The following UBE2J1 variants were observed in gnomAD, a reference collection of about 807,000 sequenced individuals.
The protein encoded by UBE2J1 is ubiquitin conjugating enzyme E2 J1.
In UBE2J1, 17 loss-of-function variants were observed where a neutral mutation model predicts 42.1. That is an observed-to-expected ratio of 0.40 (90% CI 0.28 to 0.61). UBE2J1 has a LOEUF of 0.61. Among genes scored for constraint, UBE2J1 ranks in the 20% least tolerant of loss-of-function variants. The pLI, the probability that UBE2J1 is intolerant of heterozygous loss-of-function variation, is 0.38. For synonymous variants in UBE2J1, 127 were observed against 137.2 expected, an observed-to-expected ratio of 0.93 and a Z score of 0.52; for missense variants, 291 against 389.4, an observed-to-expected ratio of 0.75 and a Z score of 2.13.
At chr6:89,336,166 T>C (rs1562414337) in intron 5 of UBE2J1, among the ~76,000 whole-genome samples, 1 of 152,238 alleles carries the variant, frequency 6.6e-6, no homozygotes, top group African/African-American at 2.4e-5. Context: ...TAAAAAATTG[T>C]TTTTCATAGT....
At chr6:89,334,295 G>C (rs10944444) in intron 6 of UBE2J1, among the ~76,000 whole-genome samples, 1 of 151,700 alleles carries the variant, frequency 6.6e-6, no homozygotes, top group Non-Finnish European at 1.5e-5. Flanking sequence ...GAGCCACTGC[G>C]CCCAGCTAAT....
intron 5 of UBE2J1, among the ~76,000 whole-genome samples, chr6:89,337,191 ACAGT>A (rs1768123900): frequency 2.0e-5 from 3 of 151,628 alleles, no homozygotes; most frequent in African/African-American, 7.3e-5. Context: ...TCTAGAATAT[ACAGT>A]GAGAAGCCTA....
At position 89,329,512 on chromosome 6, in the gene UBE2J1, GAC is replaced by G; in HGVS notation, c.*165_*166del. The G allele has an allele frequency of 1.4e-6, 1 of 720,350 alleles. No homozygotes were observed. Among genetic ancestry groups the G allele is most frequent in the Non-Finnish European group, 2.2e-6 (1 of 445,190 alleles). The allele number at this position is 720,350 out of a possible 1,614,324, so 44.6% of individuals were successfully genotyped here. ...CCCTTTAAGCAGGACGTAACTGCTA[GAC>G]ACAGTCTGAATGTCTAGATATATTT... On this transcript the variant is annotated 3_prime_UTR_variant, in exon 8 of 8. Coordinates refer to ENST00000435041, the MANE Select transcript of UBE2J1 (RefSeq NM_016021.3).
intron 1 of UBE2J1, among the ~76,000 whole-genome samples, chr6:89,347,423 G>A (rs567489076): frequency 2.6e-5 from 4 of 152,188 alleles, no homozygotes; most frequent in South Asian, 2.1e-4. Context: ...TACCCTTATC[G>A]CATTTTCTCT....
intron 3 of UBE2J1, among the ~76,000 whole-genome samples, chr6:89,340,046 G>A (rs1768214087): frequency 6.6e-6 from 1 of 151,280 alleles, no homozygotes; most frequent in South Asian, 2.1e-4. Flanking sequence ...ATCTAAAAGA[G>A]AAGACATTCA....
In UBE2J1 at chr6:89,335,329, T is replaced by C. The variant is rs759860508; in HGVS notation, c.531A>G (p.Lys177=). ...TAAAGCTTATTTGCCTAGCCAGTTC[T>C]TTGGCTTCTTGGTCAGCTTGGCTTG... ...SDSSQADQEA[K]ELARQISFKA... Residue 177 remains lysine (K), a synonymous_variant, in exon 6 of 8, where the codon AAA becomes AAG. Coordinates refer to ENST00000435041, the MANE Select transcript of UBE2J1 (RefSeq NM_016021.3). 41 of 1,606,434 alleles carry C rather than the reference T, an allele frequency of 2.6e-5. No individual in the cohort carries two copies. In the Admixed American group the frequency reaches 3.2e-4, roughly 13 times the overall value.
At chr6:89,331,560 G>C (rs1024595668) in intron 7 of UBE2J1, among the ~76,000 whole-genome samples, 2 of 152,102 alleles carry the variant, frequency 1.3e-5, no homozygotes, top group African/African-American at 4.8e-5. Context: ...CTATATAGAA[G>C]GCACTAAGCC....
intron 1 of UBE2J1, among the ~76,000 whole-genome samples, chr6:89,347,371 C>T (rs2127873143): frequency 6.6e-6 from 1 of 152,358 alleles, no homozygotes; most frequent in Admixed American, 6.5e-5. Flanking sequence ...ACTGGCTGAA[C>T]TCAATAATGA....
chr6:89,344,647 A>G (rs1427714198), intron 1 of UBE2J1, among the ~76,000 whole-genome samples: 1 of 152,226 alleles, frequency 6.6e-6, no homozygotes, highest in African/African-American at 2.4e-5. Flanking sequence ...ACAAGTCATT[A>G]CCAACAACCT....
intron 1 of UBE2J1, among the ~76,000 whole-genome samples, chr6:89,351,811 C>A (rs1419701890): frequency 6.6e-6 from 1 of 152,156 alleles, no homozygotes; most frequent in Non-Finnish European, 1.5e-5. Context: ...AGTTGCTTAT[C>A]TTTATAATGC....
intron 1 of UBE2J1, among the ~76,000 whole-genome samples, chr6:89,344,608 G>A (rs1179797183): frequency 2.6e-5 from 4 of 152,190 alleles, no homozygotes; most frequent in Non-Finnish European, 2.9e-5. Context: ...AGGAAAAAAA[G>A]TCAGAGAGGA....
Position 89,352,199 on chromosome 6 carries a change from A to G in UBE2J1, c.31+340T>C, listed in dbSNP as rs59817524. Among the ~76,000 whole-genome samples, 279 of 152,354 alleles carry G rather than the reference A, an allele frequency of 1.8e-3. 1 individual carries two copies. Among genetic ancestry groups the G allele is most frequent in the African/African-American group, 6.5e-3 (272 of 41,590 alleles). On this transcript the variant is annotated intron_variant, in intron 1 of 7. Transcript: ENST00000435041. The stretch of plus-strand genomic sequence containing the variant: ...GACAGGGAGGGAATAGCGACCAGGT[A>G]CAGCGAGGGGGTTGATGACTATCGC...
Position 89,329,304 on chromosome 6 carries a change from T to C in UBE2J1, c.*375A>G, listed in dbSNP as rs577274019. 10 of 248,998 alleles carry C rather than the reference T, an allele frequency of 4.0e-5. No individual in the cohort carries two copies. The East Asian group carries it at 1.1e-3, about 27-fold the overall frequency. 15.4% of individuals were successfully genotyped at this position (248,998 alleles called of 1,614,324 possible). ...ACGTAGAAACAGAGTACTCAATAAG[T>C]GGTATTGAGTAACTAGTAATACTCA... On this transcript the variant is annotated 3_prime_UTR_variant, in exon 8 of 8. Transcript: ENST00000435041.
At chr6:89,345,546 GA>G (rs1768347083) in intron 1 of UBE2J1, among the ~76,000 whole-genome samples, 1 of 152,048 alleles carries the variant, frequency 6.6e-6, no homozygotes, top group Non-Finnish European at 1.5e-5. Flanking sequence ...AGGTTGCAGT[GA>G]GCTGAGGTCG....
chr6:89,332,522 C>T lies in UBE2J1; in HGVS notation c.678+564G>A, dbSNP rs151277649. ...TTTGTGATGATAGTAATGTTTATGT[C>T]TACACTGTCCAATATGGTACCCATT... On this transcript the variant is annotated intron_variant, in intron 7 of 7. Transcript: ENST00000435041. Among the ~76,000 whole-genome samples, 208 of 152,302 alleles carry T rather than the reference C, an allele frequency of 1.4e-3. 7 individuals carry two copies. The East Asian group carries it at 0.032, about 23-fold the overall frequency.
intron 5 of UBE2J1, 43 bp from the exon 6 acceptor site, chr6:89,335,474 G>A (rs781734560): frequency 2.1e-6 from 3 of 1,452,594 alleles, no homozygotes; most frequent in Non-Finnish European, 2.8e-6. Flanking sequence ...ATAGTTAAAT[G>A]TTTAATTCCC....
Position 89,334,838 on chromosome 6 carries a change from G to A in UBE2J1, c.558+464C>T, listed in dbSNP as rs142845176. ...TAGAATTTATTAAGCACCAGGGACA[G>A]TTCTGAATGCAACACATGTATTACA... On this transcript the variant is annotated intron_variant, in intron 6 of 7. Coordinates refer to ENST00000435041, the MANE Select transcript of UBE2J1 (RefSeq NM_016021.3). Among the ~76,000 whole-genome samples, 217 of 150,664 alleles carry A rather than the reference G, an allele frequency of 1.4e-3. 1 individual carries two copies. The highest frequency in any genetic ancestry group is 4.5e-3 in the African/African-American group (186 of 41,476).
chr6:89,351,227 C>T (rs541378926), intron 1 of UBE2J1, among the ~76,000 whole-genome samples: 7 of 151,704 alleles, frequency 4.6e-5, no homozygotes, highest in East Asian at 3.9e-4. Context: ...TACAGGAGTG[C>T]GCCACCACCA....
chr6:89,329,599 G>A lies in UBE2J1; in HGVS notation c.*80C>T. The A allele has an allele frequency of 2.1e-6, 3 of 1,455,984 alleles. No homozygotes were observed. The highest frequency in any genetic ancestry group is 2.8e-6 in the Non-Finnish European group (3 of 1,059,052). 90.2% of individuals were successfully genotyped at this position (1,455,984 alleles called of 1,614,324 possible). On this transcript the variant is annotated 3_prime_UTR_variant, in exon 8 of 8. Coordinates refer to ENST00000435041, the MANE Select transcript of UBE2J1 (RefSeq NM_016021.3). The stretch of plus-strand genomic sequence containing the variant: ...AGGGTAAATACAAAATAATCTTTTT[G>A]TAAACAATTCTTAGATTATACCCAA...
Sources: allele counts gnomAD v4.1 joint callset (sites outside exome capture counted in the v4.1 genomes callset), GRCh38; gene constraint gnomAD v4.1.1; transcripts MANE v1.5; gene names NCBI Gene and HGNC (gene_info 2026-07-23, HGNC 2026-07-21).